Variants in SUSD6 observed in about 807,000 individuals in gnomAD.
SUSD6 encodes the protein sushi domain-containing protein 6.
A neutral mutation model predicts 28.4 loss-of-function variants in SUSD6; 16 were observed. The ratio of observed to expected loss-of-function variants is 0.56; its 90% CI spans 0.38 to 0.86. The LOEUF is 0.86. Among genes scored for constraint, SUSD6 ranks in the 40% least tolerant of loss-of-function variants. The pLI, the probability that SUSD6 is intolerant of heterozygous loss-of-function variation, is 0.00. For synonymous variants in SUSD6, 147 were observed against 159.6 expected (o/e 0.92, Z 0.59); for missense variants, 341 against 384.2 (o/e 0.89, Z 0.94).
chr14:69,658,865 A>C (rs1037646963), intron 2 of SUSD6, 152 bp downstream of exon 2: 35 of 993,106 alleles, frequency 3.5e-5, no homozygotes, highest in Non-Finnish European at 4.7e-5. Context: ...GCAGGGAGCC[A>C]GTCCTTCTGA....
intron 1 of SUSD6, among the ~76,000 whole-genome samples, chr14:69,635,133 G>A (rs1885245678): frequency 6.6e-6 from 1 of 152,158 alleles, no homozygotes; most frequent in African/African-American, 2.4e-5. Context: ...ACTGAGTTGT[G>A]GACTAGTTCT....
Position 69,703,394 on chromosome 14 carries a change from G to C in SUSD6, c.122-1G>C. 6.2e-7 allele frequency: 1 copy of C among 1,612,986 alleles called. No homozygotes were observed. Among genetic ancestry groups the C allele is most frequent in the Non-Finnish European group, 8.5e-7 (1 of 1,179,462 alleles). ...CCCCTGCTCTCTCCCTGTCTTTGCA[G>C]TGTGCCCCCTACCACCGGAGCCAGA... On this transcript the variant is annotated splice_acceptor_variant, in intron 2 of 5. Transcript: ENST00000342745. LOFTEE classifies it high-confidence loss of function.
intron 1 of SUSD6, among the ~76,000 whole-genome samples, chr14:69,650,817 A>G (rs888816243): frequency 2.0e-5 from 3 of 152,100 alleles, no homozygotes; most frequent in Admixed American, 6.6e-5. Context: ...AACACTGTGT[A>G]CGGATAGTCC....
At chr14:69,705,618 T>C (rs1276261047) in intron 4 of SUSD6, among the ~76,000 whole-genome samples, 1 of 152,236 alleles carries the variant, frequency 6.6e-6, no homozygotes, top group South Asian at 2.1e-4. Flanking sequence ...CACTTGGGCC[T>C]CCATTCCCAT....
intron 5 of SUSD6, among the ~76,000 whole-genome samples, chr14:69,710,207 G>T (rs1886443331): frequency 6.6e-6 from 1 of 152,172 alleles, no homozygotes; most frequent in African/African-American, 2.4e-5. Flanking sequence ...AGGAGCCAAG[G>T]TGGGGCCCTC....
At chr14:69,666,815 T>G (rs61423145) in intron 2 of SUSD6, among the ~76,000 whole-genome samples, 1 of 116,662 alleles carries the variant, frequency 8.6e-6, no homozygotes, top group African/African-American at 2.6e-5. Context: ...CTTGGCCAAG[T>G]TTTTTTTTTC....
intron 5 of SUSD6, 152 bp downstream of exon 5, chr14:69,709,256 T>A (rs891505037): frequency 1.1e-5 from 8 of 729,874 alleles, no homozygotes; most frequent in African/African-American, 1.8e-5. Context: ...AATTTCACCC[T>A]CAGAGTACTG....
intron 1 of SUSD6, among the ~76,000 whole-genome samples, chr14:69,634,243 A>G (rs1411033149): frequency 6.6e-6 from 1 of 152,240 alleles, no homozygotes; most frequent in Non-Finnish European, 1.5e-5. Context: ...TTATAGCTTC[A>G]GGGAATGAAC....
At position 69,713,568 on chromosome 14, in the gene SUSD6, C is replaced by G. The variant is rs1886500525; in HGVS notation, c.*2589C>G. On this transcript the variant is annotated 3_prime_UTR_variant, in exon 6 of 6. Coordinates refer to ENST00000342745, the MANE Select transcript of SUSD6 (RefSeq NM_014734.4). ...TTTCTAGGGCTTCTGGGCTTTGTCC[C>G]TTACTGAGAGATTAGGGACTCCACA... 1 of 152,242 alleles carries G rather than the reference C, an allele frequency of 6.6e-6. No individual in the cohort carries two copies. The highest frequency in any genetic ancestry group is 2.1e-4 in the South Asian group (1 of 4,834). 9.4% of individuals were successfully genotyped at this position (152,242 alleles called of 1,614,324 possible).
At chr14:69,645,027 C>G (rs1039289052) in intron 1 of SUSD6, among the ~76,000 whole-genome samples, 3 of 152,106 alleles carry the variant, frequency 2.0e-5, no homozygotes, top group African/African-American at 7.3e-5. Flanking sequence ...ACAGTCCCAC[C>G]TTGACAGCTT....
intron 2 of SUSD6, among the ~76,000 whole-genome samples, chr14:69,697,960 A>G (rs948528117): frequency 6.6e-6 from 1 of 152,252 alleles, no homozygotes; most frequent in African/African-American, 2.4e-5. Context: ...CCAGACCCCA[A>G]CAGAGGATTC....
At chr14:69,692,760 A>G (rs1040954744) in intron 2 of SUSD6, among the ~76,000 whole-genome samples, 5 of 152,162 alleles carry the variant, frequency 3.3e-5, no homozygotes, top group African/African-American at 1.2e-4. Flanking sequence ...TTTGTACCCA[A>G]GAGTCCAACC....
chr14:69,702,336 A>G (rs377000400), intron 2 of SUSD6, among the ~76,000 whole-genome samples: 10 of 152,320 alleles, frequency 6.6e-5, no homozygotes, highest in African/African-American at 1.9e-4. Context: ...TTTGGCTGGT[A>G]ATACCCGGCA....
chr14:69,674,389 C>T (rs540047917), intron 2 of SUSD6, among the ~76,000 whole-genome samples: 58 of 152,314 alleles, frequency 3.8e-4, no homozygotes, highest in African/African-American at 1.3e-3. Flanking sequence ...CAGTTGTCTT[C>T]CTTTGCCCTC....
chr14:69,690,826 A>G (rs1031285782), intron 2 of SUSD6, among the ~76,000 whole-genome samples: 2 of 152,248 alleles, frequency 1.3e-5, no homozygotes, highest in Admixed American at 1.3e-4. Context: ...GCCTGTGCAC[A>G]GTGAGTACAG....
intron 4 of SUSD6, 48 bp from the exon 5 acceptor site, chr14:69,708,629 T>G (rs1886416706): frequency 7.0e-7 from 1 of 1,427,488 alleles, no homozygotes; most frequent in African/African-American, 1.4e-5. Flanking sequence ...CCTGTTTCTC[T>G]GTGTGTTTAT....
rs185803978 is a variant in SUSD6 at position 69,703,913 on chromosome 14, C to T, written c.319+321C>T. On this transcript the variant is annotated intron_variant, in intron 3 of 5. Transcript: ENST00000342745. ...CCTCACAGTGAGCACAATGCTAATA[C>T]CTTCTCTAATGTATCGTCCATTTCA... The T allele has an allele frequency of 1.0e-5, 4 of 389,042 alleles. No individual in the cohort carries two copies. In the Admixed American group the frequency reaches 1.7e-4, roughly 16 times the overall value. 24.1% of individuals were successfully genotyped at this position (389,042 alleles called of 1,614,324 possible).
At chr14:69,627,189 G>A (rs980562977) in intron 1 of SUSD6, among the ~76,000 whole-genome samples, 1 of 152,214 alleles carries the variant, frequency 6.6e-6, no homozygotes, top group Non-Finnish European at 1.5e-5. Flanking sequence ...TGTTGCTCTA[G>A]TATTTATCTG....
intron 1 of SUSD6, among the ~76,000 whole-genome samples, chr14:69,656,064 G>T (rs907783134): frequency 1.3e-5 from 2 of 151,380 alleles, no homozygotes; most frequent in African/African-American, 2.4e-5. Flanking sequence ...CTTGTATTTG[G>T]TGCTTCCTTT....
Sources: allele counts gnomAD v4.1 joint callset (sites outside exome capture counted in the v4.1 genomes callset), GRCh38; gene constraint gnomAD v4.1.1; transcripts MANE v1.5; gene names NCBI Gene and HGNC (gene_info 2026-07-23, HGNC 2026-07-21).